EYS: variants seen among roughly 807,000 people sequenced by gnomAD.
EYS encodes the protein EGF-like photoreceptor maintenance factor.
In EYS, 250 loss-of-function variants were observed where a neutral mutation model predicts 282.1. That is an observed-to-expected ratio of 0.89 (90% CI 0.80 to 0.98). The LOEUF is 0.98. Among genes scored for constraint, EYS ranks in the 50% least tolerant of loss-of-function variants. The probability of loss-of-function intolerance (pLI) is 0.00; values close to 1 mark genes in which losing one functional copy is unlikely to be tolerated. For synonymous variants in EYS, 1,355 were observed against 1,282.9 expected (o/e 1.06, Z -1.20); for missense variants, 4,016 against 3,709.0 (o/e 1.08, Z -2.15).
Position 64,989,189 on chromosome 6 carries a change from T to G in EYS, c.2259+8393A>C, listed in dbSNP as rs553375372. Among the ~76,000 whole-genome samples the G allele has an allele frequency of 2.1e-4, 32 of 150,868 alleles. No individual in the cohort carries two copies. In the East Asian group the frequency reaches 5.7e-3, roughly 27 times the overall value. ...CTGAGGCTTAGAAACGTTAAATGAC[T>G]TGTTCAAGGTAACACAGCTGGTGAG... On this transcript the variant is annotated intron_variant, in intron 14 of 42. Transcript: ENST00000503581.
intron 31 of EYS, among the ~76,000 whole-genome samples, chr6:64,139,307 G>A (rs1308555226): frequency 6.6e-6 from 1 of 152,080 alleles, no homozygotes; most frequent in East Asian, 1.9e-4. Flanking sequence ...CATAGGGAGT[G>A]TATCCTGAAC....
chr6:64,033,323 T>A (rs1003803089), intron 33 of EYS, among the ~76,000 whole-genome samples: 18 of 152,224 alleles, frequency 1.2e-4, no homozygotes, highest in African/African-American at 4.3e-4. Context: ...TTTACTCTAA[T>A]AGGCACATAG....
intron 41 of EYS, 41 bp from the exon 42 acceptor site, chr6:63,726,721 T>C (rs1375286654): frequency 1.3e-6 from 2 of 1,497,014 alleles, no homozygotes; most frequent in African/African-American, 2.8e-5. Flanking sequence ...AGTTATCTGC[T>C]GGATTAAAAA....
At chr6:64,036,500 TTTAATC>T (rs1221296150) in intron 33 of EYS, among the ~76,000 whole-genome samples, 1 of 152,234 alleles carries the variant, frequency 6.6e-6, no homozygotes, top group Non-Finnish European at 1.5e-5. Context: ...GTGGAACAAT[TTTAATC>T]TTAATCTTAT....
intron 1 of EYS, among the ~76,000 whole-genome samples, chr6:65,705,524 C>T (rs1769843914): frequency 6.6e-6 from 1 of 152,052 alleles, no homozygotes; most frequent in African/African-American, 2.4e-5. Flanking sequence ...TTGAATGCCT[C>T]CAAATCAAGG....
At chr6:64,296,531 G>GAGACGGAA (rs1170614176) in intron 30 of EYS, among the ~76,000 whole-genome samples, 1 of 13,490 alleles carries the variant, frequency 7.4e-5, no homozygotes, top group African/African-American at 1.5e-4. Flanking sequence ...GACAACAATT[G>GAGACGGAA]TACTGGCAGA....
chr6:64,198,351 C>T (rs1223291739), intron 31 of EYS, among the ~76,000 whole-genome samples: 6 of 152,016 alleles, frequency 3.9e-5, no homozygotes, highest in Non-Finnish European at 5.9e-5. Flanking sequence ...GATACATGTG[C>T]AGAATGTGCA....
intron 19 of EYS, among the ~76,000 whole-genome samples, chr6:64,869,374 A>T (rs939276124): frequency 6.6e-6 from 1 of 151,616 alleles, no homozygotes; most frequent in Non-Finnish European, 1.5e-5. Flanking sequence ...GGATACAGGG[A>T]AAGTCCCTGC....
At chr6:63,840,319 C>T (rs1467646703) in intron 36 of EYS, among the ~76,000 whole-genome samples, 5 of 151,956 alleles carry the variant, frequency 3.3e-5, no homozygotes, top group East Asian at 1.9e-4. Flanking sequence ...CTGCCTCGGC[C>T]TCCCAAAGTG....
At chr6:65,214,632 A>G (rs907229125) in intron 12 of EYS, among the ~76,000 whole-genome samples, 20 of 152,262 alleles carry the variant, frequency 1.3e-4, no homozygotes, top group African/African-American at 4.8e-4. Context: ...GGGTAACTAC[A>G]CTAAACAACA....
chr6:64,939,721 T>C (rs1360480883), intron 15 of EYS, among the ~76,000 whole-genome samples: 1 of 151,764 alleles, frequency 6.6e-6, no homozygotes, highest in Non-Finnish European at 1.5e-5. Context: ...GTATAAGACA[T>C]TGTTTTGGGA....
In EYS at chr6:65,284,597, T is replaced by C. The variant is rs369722213; in HGVS notation, c.2023+11266A>G. On this transcript the variant is annotated intron_variant, in intron 12 of 42. Coordinates refer to ENST00000503581, the MANE Select transcript of EYS (RefSeq NM_001142800.2). The stretch of plus-strand genomic sequence containing the variant: ...CTATCCAGCTTGAACTTAACTAACA[T>C]AACTCCAATCATCATTCATTTTTGG... Among the ~76,000 whole-genome samples the C allele has an allele frequency of 2.0e-5, 3 of 152,222 alleles. No homozygotes were observed. The East Asian group carries it at 5.8e-4, about 29-fold the overall frequency.
chr6:64,370,528 G>A (rs1314640874), intron 29 of EYS, among the ~76,000 whole-genome samples: 1 of 152,064 alleles, frequency 6.6e-6, no homozygotes, highest in African/African-American at 2.4e-5. Context: ...GATGATTTTG[G>A]CCTCACAGAA....
At chr6:64,325,965 A>C (rs957199098) in intron 29 of EYS, among the ~76,000 whole-genome samples, 2 of 152,172 alleles carry the variant, frequency 1.3e-5, no homozygotes, top group African/African-American at 2.4e-5. Flanking sequence ...AGAAATCTAA[A>C]AGTTTGGAAA....
chr6:65,626,204 A>C (rs1766684450), intron 2 of EYS, among the ~76,000 whole-genome samples: 1 of 152,116 alleles, frequency 6.6e-6, no homozygotes, highest in Non-Finnish European at 1.5e-5. Flanking sequence ...GAGATTTTTG[A>C]GGTCTAAAAT....
At chr6:65,360,542 G>A (rs1024859620) in intron 8 of EYS, among the ~76,000 whole-genome samples, 3 of 151,882 alleles carry the variant, frequency 2.0e-5, no homozygotes, top group Non-Finnish European at 4.4e-5. Flanking sequence ...AAGTAGTTTG[G>A]GAAATTATAT....
intron 1 of EYS, among the ~76,000 whole-genome samples, chr6:65,690,182 T>G (rs1769189739): frequency 6.7e-6 from 1 of 149,962 alleles, no homozygotes; most frequent in African/African-American, 2.4e-5. Flanking sequence ...GAAACAGTCT[T>G]TCTATAACCT....
intron 24 of EYS, among the ~76,000 whole-genome samples, chr6:64,600,823 A>G (rs925328607): frequency 6.6e-6 from 1 of 152,106 alleles, no homozygotes; most frequent in Non-Finnish European, 1.5e-5. Flanking sequence ...AAGTACATAC[A>G]TATTTCTTTT....
rs538353770 is a variant in EYS, at chr6:64,291,004, C to T, written c.6191+15966G>A. ...GGATAGAGGAGACTGAGCAAAGTAT[C>T]AATGGCTGGCAACTACTTCTAGGGG... is the stretch of plus-strand genomic sequence containing the variant. On this transcript the variant is annotated intron_variant, in intron 30 of 42. Coordinates refer to ENST00000503581, the MANE Select transcript of EYS (RefSeq NM_001142800.2). Among the ~76,000 whole-genome samples the T allele has an allele frequency of 2.4e-3, 34 of 14,414 alleles. 4 individuals carry two copies. The highest frequency in any genetic ancestry group is 0.015 in the African/African-American group (34 of 2,246). The allele number at this position is 14,414 out of a possible 152,430, so 9.5% of individuals were successfully genotyped here.
Sources: gnomAD v4.1 joint callset for allele counts (sites outside exome capture counted in the v4.1 genomes callset) on GRCh38, gnomAD v4.1.1 for gene constraint, MANE v1.5 for transcripts, NCBI Gene and HGNC (gene_info 2026-07-23, HGNC 2026-07-21) for gene names.